Variants in DDAH1 observed in about 807,000 individuals in gnomAD.
DDAH1 encodes the protein dimethylarginine dimethylaminohydrolase 1.
A neutral mutation model predicts 28.8 loss-of-function variants in DDAH1; 19 were observed. That is an observed-to-expected ratio of 0.66 (90% CI 0.46 to 0.97). The LOEUF is 0.97. Ranked by LOEUF, DDAH1 falls within the 50% of genes least tolerant of loss-of-function variation. The pLI, the probability that DDAH1 is intolerant of heterozygous loss-of-function variation, is 0.00. For synonymous variants in DDAH1, 153 were observed against 154.4 expected (o/e 0.99, Z 0.07); for missense variants, 326 against 375.9 (o/e 0.87, Z 1.10).
intron 1 of DDAH1, among the ~76,000 whole-genome samples, chr1:85,453,709 T>C (rs1654763088): frequency 6.6e-6 from 1 of 152,180 alleles, no homozygotes; most frequent in African/African-American, 2.4e-5. Flanking sequence ...ATAGGCACCA[T>C]TACCAACAAA....
intron 1 of DDAH1, among the ~76,000 whole-genome samples, chr1:85,567,920 A>G (rs1659351154): frequency 6.6e-6 from 1 of 152,230 alleles, no homozygotes; most frequent in Admixed American, 6.5e-5. Context: ...TTCAAGATGG[A>G]CTATATTCTG....
intron 1 of DDAH1, among the ~76,000 whole-genome samples, chr1:85,363,088 T>C (rs78887195): frequency 4.6e-5 from 7 of 152,336 alleles, no homozygotes; most frequent in Non-Finnish European, 1.0e-4. Flanking sequence ...TTCAGGGCAA[T>C]ATTTTCCAGT....
intron 2 of DDAH1, among the ~76,000 whole-genome samples, chr1:85,473,443 C>A (rs1655685242): frequency 6.6e-6 from 1 of 151,996 alleles, no homozygotes; most frequent in South Asian, 2.1e-4. Flanking sequence ...AAAAGAAAAA[C>A]ATTACTCTAC....
chr1:85,427,480 A>G (rs1015215001), intron 1 of DDAH1, among the ~76,000 whole-genome samples: 1 of 152,226 alleles, frequency 6.6e-6, no homozygotes, highest in South Asian at 2.1e-4. Context: ...TTCATATGGT[A>G]ACTTGGATTC....
chr1:85,501,987 C>T (rs1274756717), intron 1 of DDAH1, among the ~76,000 whole-genome samples: 5 of 152,174 alleles, frequency 3.3e-5, no homozygotes, highest in African/African-American at 1.2e-4. Context: ...TTTAACCATG[C>T]TTCCCATGCC....
At chr1:85,567,259 T>C (rs1346350976) in intron 1 of DDAH1, among the ~76,000 whole-genome samples, 1 of 152,202 alleles carries the variant, frequency 6.6e-6, no homozygotes, top group Non-Finnish European at 1.5e-5. Flanking sequence ...TAACCATCAA[T>C]GATATGGTTT....
At chr1:85,341,364 G>C (rs1382018323) in intron 4 of DDAH1, among the ~76,000 whole-genome samples, 4 of 152,178 alleles carry the variant, frequency 2.6e-5, no homozygotes, top group Non-Finnish European at 4.4e-5. Context: ...TTTCCTATCA[G>C]AGTTTTATGT....
chr1:85,500,215 CCTTT>C (rs757730606), intron 1 of DDAH1, among the ~76,000 whole-genome samples: 23 of 147,712 alleles, frequency 1.6e-4, no homozygotes, highest in Middle Eastern at 6.9e-3. Flanking sequence ...TTCCTTCCTT[CCTTT>C]CTTTTTTCCT....
intron 1 of DDAH1, among the ~76,000 whole-genome samples, chr1:85,505,436 A>G (rs752605511): frequency 5.3e-5 from 8 of 152,148 alleles, no homozygotes; most frequent in Non-Finnish European, 7.4e-5. Flanking sequence ...TGAATTTTGG[A>G]AGGCCTGCTA....
intron 1 of DDAH1, among the ~76,000 whole-genome samples, chr1:85,559,814 A>T (rs1659090902): frequency 6.6e-6 from 1 of 152,080 alleles, no homozygotes; most frequent in African/African-American, 2.4e-5. Flanking sequence ...CTGAAAAAAA[A>T]AAAATGAACA....
intron 1 of DDAH1, among the ~76,000 whole-genome samples, chr1:85,459,998 C>T (rs370870563): frequency 6.6e-6 from 1 of 152,210 alleles, no homozygotes; most frequent in African/African-American, 2.4e-5. Flanking sequence ...AAATGACCTT[C>T]AGATTTTCAT....
At chr1:85,448,714 A>C (rs1557643219) in intron 1 of DDAH1, among the ~76,000 whole-genome samples, 1 of 152,174 alleles carries the variant, frequency 6.6e-6, no homozygotes, top group African/African-American at 2.4e-5. Context: ...AATGTGAATA[A>C]TTTTTCTTTT....
At chr1:85,503,959 G>A (rs765423287) in intron 1 of DDAH1, among the ~76,000 whole-genome samples, 2 of 152,186 alleles carry the variant, frequency 1.3e-5, no homozygotes, top group Non-Finnish European at 1.5e-5. Flanking sequence ...GACTAGCCCA[G>A]ATCAGGTAGG....
intron 1 of DDAH1, among the ~76,000 whole-genome samples, chr1:85,561,314 A>G (rs1169038108): frequency 6.6e-6 from 1 of 152,192 alleles, no homozygotes. Context: ...AGTGTTAACT[A>G]TAATTTATAA....
At chr1:85,441,332 G>A (rs1021860001) in intron 1 of DDAH1, among the ~76,000 whole-genome samples, 2 of 152,066 alleles carry the variant, frequency 1.3e-5, no homozygotes, top group African/African-American at 2.4e-5. Context: ...CACGAGGTCA[G>A]GAGGTCGAGA....
intron 4 of DDAH1, among the ~76,000 whole-genome samples, chr1:85,337,374 T>A (rs888681909): frequency 1.3e-5 from 2 of 152,214 alleles, no homozygotes; most frequent in African/African-American, 4.8e-5. Context: ...TGGACTTAAC[T>A]GCATACACTT....
chr1:85,370,977 A>G (rs1650353501), intron 1 of DDAH1, among the ~76,000 whole-genome samples: 1 of 152,180 alleles, frequency 6.6e-6, no homozygotes, highest in Non-Finnish European at 1.5e-5. Context: ...ATATCAGAAG[A>G]GCTAACTCAA....
intron 4 of DDAH1, among the ~76,000 whole-genome samples, chr1:85,329,199 C>A (rs1647609657): frequency 6.6e-6 from 1 of 152,196 alleles, no homozygotes; most frequent in African/African-American, 2.4e-5. Context: ...GTGCTGACTT[C>A]TTGTTTACCA....
intron 1 of DDAH1, among the ~76,000 whole-genome samples, chr1:85,574,485 C>A (rs1231626825): frequency 6.6e-6 from 1 of 152,208 alleles, no homozygotes; most frequent in African/African-American, 2.4e-5. Flanking sequence ...TTGTTCCCTT[C>A]CTCTCAAATG....
Sources: allele counts gnomAD v4.1 joint callset (sites outside exome capture counted in the v4.1 genomes callset), GRCh38; gene constraint gnomAD v4.1.1; transcripts MANE v1.5; gene names NCBI Gene and HGNC (gene_info 2026-07-23, HGNC 2026-07-21).